The following HERC3 variants were observed in gnomAD, a reference collection of about 807,000 sequenced individuals.
The protein encoded by HERC3 is HECT and RLD domain containing E3 ubiquitin protein ligase 3.
Under a neutral mutation model 129.9 loss-of-function variants are expected in HERC3, and 58 were observed. The ratio of observed to expected loss-of-function variants is 0.45; its 90% CI spans 0.36 to 0.56. HERC3 has a LOEUF of 0.56. HERC3 is among the 20% of genes least tolerant of loss of function. HERC3 has a pLI of 0.00. For missense variants in HERC3, 835 were observed against 1,244.2 expected, an observed-to-expected ratio of 0.67 and a Z score of 4.95; for synonymous variants, 430 against 451.0, an observed-to-expected ratio of 0.95 and a Z score of 0.59.
chr4:88,652,223 C>T (rs1729367311), intron 5 of HERC3, 135 bp downstream of exon 5: 1 of 666,672 alleles, frequency 1.5e-6, no homozygotes, highest in African/African-American at 1.8e-5. Flanking sequence ...TGGACAGTGA[C>T]AATTCTCATA....
the HERC3 span, among the ~76,000 whole-genome samples, chr4:88,585,068 C>T: frequency 6.6e-6 from 1 of 152,170 alleles, no homozygotes; most frequent in Non-Finnish European, 1.5e-5. Flanking sequence ...GGGTAAGGAC[C>T]TTTTGCTGGT....
chr4:88,592,751 G>T (rs1721842315), intron 1 of HERC3, among the ~76,000 whole-genome samples, 177 bp downstream of exon 1: 1 of 152,092 alleles, frequency 6.6e-6, no homozygotes, highest in Admixed American at 6.5e-5. Context: ...ACCTGGGTCT[G>T]GGGCGCGGGG....
At chr4:88,681,701 A>C (rs1024359988) in intron 21 of HERC3, among the ~76,000 whole-genome samples, 3 of 152,174 alleles carry the variant, frequency 2.0e-5, no homozygotes, top group Admixed American at 1.3e-4. Context: ...TTTGTTGTTG[A>C]GGCAAAATAG....
At chr4:88,568,636 CT>C in the HERC3 span, among the ~76,000 whole-genome samples, 1 of 152,070 alleles carries the variant, frequency 6.6e-6, no homozygotes, top group Non-Finnish European at 1.5e-5. Context: ...GTGGGTACCA[CT>C]GATGTTTATT....
At chr4:88,536,277 A>G in the HERC3 span, among the ~76,000 whole-genome samples, 2 of 152,078 alleles carry the variant, frequency 1.3e-5, no homozygotes, top group African/African-American at 2.4e-5. Flanking sequence ...TGTTCATGCC[A>G]TTTCTTCTGC....
the HERC3 span, among the ~76,000 whole-genome samples, chr4:88,531,930 T>C: frequency 2.0e-5 from 3 of 152,200 alleles, no homozygotes; most frequent in Non-Finnish European, 4.4e-5. Context: ...TATTAGAGCA[T>C]TAGCTTAACA....
At chr4:88,652,834 A>G (rs1729441175) in intron 5 of HERC3, 35 bp from the exon 6 acceptor site, 1 of 1,575,138 alleles carries the variant, frequency 6.3e-7, no homozygotes, top group South Asian at 1.1e-5. Context: ...AGCTTGTATC[A>G]TTTTATGGTA....
At chr4:88,526,636 A>G in the HERC3 span, among the ~76,000 whole-genome samples, 1 of 152,144 alleles carries the variant, frequency 6.6e-6, no homozygotes, top group Admixed American at 6.5e-5. Context: ...TCCCAGACTC[A>G]AGCAATCCTG....
upstream of HERC3, among the ~76,000 whole-genome samples, chr4:88,592,055 A>G (rs901908560): frequency 4.6e-5 from 7 of 151,978 alleles, no homozygotes; most frequent in Non-Finnish European, 1.0e-4. Flanking sequence ...CTCTCCCTCA[A>G]TTGTCACCCT....
chr4:88,546,858 G>C, the HERC3 span, among the ~76,000 whole-genome samples: 35 of 152,004 alleles, frequency 2.3e-4, no homozygotes, highest in African/African-American at 8.5e-4. Context: ...AATAAGTTTT[G>C]GACCTTGTTA....
In HERC3 at chr4:88,707,321, TCA is replaced by T; in HGVS notation, c.*364_*365del. The T allele has an allele frequency of 4.1e-6, 1 of 242,056 alleles. No homozygotes were observed. The highest frequency in any genetic ancestry group is 8.2e-6 in the Non-Finnish European group (1 of 122,452). 15.0% of individuals were successfully genotyped at this position (242,056 alleles called of 1,614,324 possible). On this transcript the variant is annotated 3_prime_UTR_variant, in exon 26 of 26. Transcript: ENST00000402738. ...TGTCTCTCTCAGCCCTGATGTTTTC[TCA>T]CAGTGCTTCCTTGTCCTTCTCTTAA... is the stretch of plus-strand genomic sequence containing the variant.
chr4:88,703,786 C>T (rs1041014266), intron 23 of HERC3, among the ~76,000 whole-genome samples: 1 of 152,094 alleles, frequency 6.6e-6, no homozygotes, highest in Non-Finnish European at 1.5e-5. Context: ...AAATTTTAAG[C>T]AGGGCTTTTA....
chr4:88,654,910 A>G (rs1729718588), intron 7 of HERC3, among the ~76,000 whole-genome samples: 2 of 152,146 alleles, frequency 1.3e-5, no homozygotes, highest in Admixed American at 1.3e-4. Context: ...CTAACACATC[A>G]TTGTACTTTC....
chr4:88,542,447 T>G, the HERC3 span, among the ~76,000 whole-genome samples: 1 of 151,782 alleles, frequency 6.6e-6, no homozygotes, highest in Non-Finnish European at 1.5e-5. Flanking sequence ...GAGGCAATAA[T>G]TAATAACAAC....
intron 3 of HERC3, among the ~76,000 whole-genome samples, chr4:88,615,195 T>G (rs1002671288): frequency 3.9e-5 from 6 of 152,118 alleles, no homozygotes; most frequent in African/African-American, 1.4e-4. Context: ...AATAGCAATT[T>G]TTTAGTTTGG....
the HERC3 span, among the ~76,000 whole-genome samples, chr4:88,572,968 A>C: frequency 3.9e-5 from 6 of 152,306 alleles, no homozygotes; most frequent in African/African-American, 1.4e-4. Flanking sequence ...TATTTTGGAG[A>C]TATTTCTCCC....
At chr4:88,535,621 A>G in the HERC3 span, among the ~76,000 whole-genome samples, 6 of 152,136 alleles carry the variant, frequency 3.9e-5, no homozygotes, top group African/African-American at 1.4e-4. Flanking sequence ...CACCTCCCAC[A>G]TCCAATCACA....
At chr4:88,587,196 G>A in the HERC3 span, among the ~76,000 whole-genome samples, 1 of 152,138 alleles carries the variant, frequency 6.6e-6, no homozygotes, top group Non-Finnish European at 1.5e-5. Flanking sequence ...CACAGACAAT[G>A]TTATTTTATT....
At chr4:88,670,875 A>G (rs1188562736) in intron 16 of HERC3, among the ~76,000 whole-genome samples, 1 of 152,094 alleles carries the variant, frequency 6.6e-6, no homozygotes, top group Non-Finnish European at 1.5e-5. Flanking sequence ...ATATGCCACA[A>G]TTCCCACTGC....
Sources: gnomAD v4.1 joint callset for allele counts (sites outside exome capture counted in the v4.1 genomes callset) on GRCh38, gnomAD v4.1.1 for gene constraint, MANE v1.5 for transcripts, NCBI Gene and HGNC (gene_info 2026-07-23, HGNC 2026-07-21) for gene names.